Variants in ANKS1B observed in about 807,000 individuals in gnomAD.
ANKS1B encodes the protein ankyrin repeat and sterile alpha motif domain containing 1B.
Under a neutral mutation model 148.3 loss-of-function variants are expected in ANKS1B, and 36 were observed. The observed-to-expected ratio is 0.24, with a 90% CI of 0.19 to 0.32. ANKS1B has a LOEUF of 0.32. Among genes scored for constraint, ANKS1B ranks in the 10% least tolerant of loss-of-function variants. The probability of loss-of-function intolerance (pLI) is 1.00; values close to 1 mark genes in which losing one functional copy is unlikely to be tolerated. For synonymous variants in ANKS1B, 542 were observed against 560.8 expected, an observed-to-expected ratio of 0.97 and a Z score of 0.47; for missense variants, 1,157 against 1,542.6, an observed-to-expected ratio of 0.75 and a Z score of 4.19.
chr12:99,348,905 A>T (rs2091076115), intron 12 of ANKS1B, among the ~76,000 whole-genome samples: 1 of 151,980 alleles, frequency 6.6e-6, no homozygotes, highest in Non-Finnish European at 1.5e-5. Context: ...AAACAGTATT[A>T]TTGTAATTTC....
At chr12:98,983,057 A>C (rs1039465337) in intron 17 of ANKS1B, among the ~76,000 whole-genome samples, 1 of 152,230 alleles carries the variant, frequency 6.6e-6, no homozygotes, top group Non-Finnish European at 1.5e-5. Flanking sequence ...GCTGCACAGC[A>C]AATTGTCACA....
chr12:99,135,015 A>C (rs1368640479), intron 15 of ANKS1B, among the ~76,000 whole-genome samples: 3 of 152,182 alleles, frequency 2.0e-5, no homozygotes, highest in Non-Finnish European at 4.4e-5. Flanking sequence ...CAGCAGAAAA[A>C]CTAACTCAAA....
chr12:99,085,991 T>A (rs2051623079), intron 15 of ANKS1B, among the ~76,000 whole-genome samples: 1 of 152,144 alleles, frequency 6.6e-6, no homozygotes, highest in Non-Finnish European at 1.5e-5. Context: ...ACAAACTGCA[T>A]GTGTACTCTT....
chr12:99,967,379 G>C (rs975815979), intron 1 of ANKS1B, among the ~76,000 whole-genome samples: 8 of 152,134 alleles, frequency 5.3e-5, no homozygotes, highest in Non-Finnish European at 1.2e-4. Context: ...TTCAGTTGCA[G>C]AGTCTGCATT....
At chr12:99,510,250 C>T (rs765111459) in intron 9 of ANKS1B, among the ~76,000 whole-genome samples, 1 of 152,004 alleles carries the variant, frequency 6.6e-6, no homozygotes, top group Non-Finnish European at 1.5e-5. Flanking sequence ...TTTAGAGTCT[C>T]AAGTCTTATT....
intron 9 of ANKS1B, among the ~76,000 whole-genome samples, chr12:99,623,805 A>G (rs777201279): frequency 1.1e-4 from 17 of 152,276 alleles, no homozygotes; most frequent in Non-Finnish European, 2.1e-4. Flanking sequence ...GGAAGAATCA[A>G]TATCATTAAA....
intron 21 of ANKS1B, 23 bp from the exon 22 acceptor site, chr12:98,799,028 T>C (rs1251090158): frequency 1.9e-6 from 3 of 1,551,390 alleles, no homozygotes; most frequent in Non-Finnish European, 2.6e-6. Context: ...AAAAATTCAA[T>C]GATTTATGAA....
rs755776422 is a variant in ANKS1B at position 99,295,488 on chromosome 12, CCAGT to C, written c.1757-48628_1757-48625del. On this transcript the variant is annotated intron_variant, in intron 12 of 26. Transcript: ENST00000683438. ...ATATGATAATTGGAAACATATTCTC[CCAGT>C]CAGTGGTTTGTCATCACTGTCTTTG... is the stretch of plus-strand genomic sequence containing the variant. Among the ~76,000 whole-genome samples, 3 of 152,144 alleles carry C rather than the reference CCAGT, an allele frequency of 2.0e-5. No homozygotes were observed. In the East Asian group the frequency reaches 5.8e-4, roughly 29 times the overall value.
At chr12:98,840,589 A>G (rs983042813) in intron 17 of ANKS1B, among the ~76,000 whole-genome samples, 4 of 152,178 alleles carry the variant, frequency 2.6e-5, no homozygotes, top group African/African-American at 9.7e-5. Flanking sequence ...ATGGAAAGAG[A>G]GACCTTAATG....
intron 9 of ANKS1B, among the ~76,000 whole-genome samples, chr12:99,641,617 C>A (rs2098307110): frequency 6.6e-6 from 1 of 152,148 alleles, no homozygotes. Context: ...ATCAAACCAT[C>A]ATTTTTTCAA....
Position 98,898,471 on chromosome 12 carries a change from A to G in ANKS1B, c.2779-66335T>C, listed in dbSNP as rs529121561. On this transcript the variant is annotated intron_variant, in intron 17 of 26. Transcript: ENST00000683438. ...CAGAACAGCATAAAGGGGATAAATC[A>G]TTTCCTGAAACCCTCTCACCTTACA... Among the ~76,000 whole-genome samples the G allele has an allele frequency of 2.6e-5, 4 of 152,272 alleles. No homozygotes were observed. In the East Asian group the frequency reaches 5.8e-4, roughly 22 times the overall value.
chr12:99,600,673 A>C (rs1189698058), intron 9 of ANKS1B, among the ~76,000 whole-genome samples: 1 of 152,018 alleles, frequency 6.6e-6, no homozygotes, highest in Non-Finnish European at 1.5e-5. Context: ...CTGCCAAGAC[A>C]CACAGTTAGC....
At chr12:98,757,124 G>T (rs906835032) in intron 25 of ANKS1B, among the ~76,000 whole-genome samples, 1 of 152,168 alleles carries the variant, frequency 6.6e-6, no homozygotes, top group East Asian at 1.9e-4. Context: ...CACAAGGAGA[G>T]GCTGCCTGGA....
intron 17 of ANKS1B, among the ~76,000 whole-genome samples, chr12:98,939,566 T>C (rs2099832224): frequency 6.6e-6 from 1 of 152,230 alleles, no homozygotes; most frequent in Admixed American, 6.5e-5. Flanking sequence ...GCAGGACCTC[T>C]AGTGGCAATG....
intron 9 of ANKS1B, among the ~76,000 whole-genome samples, chr12:99,619,764 G>C (rs1345418007): frequency 1.3e-5 from 2 of 152,108 alleles, no homozygotes; most frequent in Non-Finnish European, 2.9e-5. Context: ...AGAGAACTTG[G>C]GGCTGAGGAG....
chr12:98,777,883 A>T, intron 24 of ANKS1B, among the ~76,000 whole-genome samples: 1 of 152,238 alleles, frequency 6.6e-6, no homozygotes, highest in Non-Finnish European at 1.5e-5. Context: ...GGGAAGAGTA[A>T]TTAACACACA....
chr12:98,882,370 G>A (rs974608850), intron 17 of ANKS1B, among the ~76,000 whole-genome samples: 3 of 152,044 alleles, frequency 2.0e-5, no homozygotes, highest in Non-Finnish European at 4.4e-5. Context: ...CACCAAAGAG[G>A]ACAAAATATC....
intron 18 of ANKS1B, among the ~76,000 whole-genome samples, chr12:98,830,450 C>T (rs1256321447): frequency 6.6e-6 from 1 of 152,104 alleles, no homozygotes; most frequent in South Asian, 2.1e-4. Flanking sequence ...TAAGCTTGTC[C>T]TCCTGGAGCC....
At chr12:98,832,421 CTCT>C (rs1466748212) in intron 17 of ANKS1B, among the ~76,000 whole-genome samples, 2 of 152,144 alleles carry the variant, frequency 1.3e-5, no homozygotes, top group Non-Finnish European at 2.9e-5. Flanking sequence ...GAGAAACCAG[CTCT>C]TCTTATAAGC....
Sources: gnomAD v4.1 joint callset for allele counts (sites outside exome capture counted in the v4.1 genomes callset) on GRCh38, gnomAD v4.1.1 for gene constraint, MANE v1.5 for transcripts, NCBI Gene and HGNC (gene_info 2026-07-23, HGNC 2026-07-21) for gene names.